PCBD2: variants seen among roughly 807,000 people sequenced by gnomAD.
The protein encoded by PCBD2 is pterin-4 alpha-carbinolamine dehydratase 2.
PCBD2 carries 12 observed loss-of-function variants against 16.4 expected under a neutral mutation model. The observed-to-expected ratio is 0.73, with a 90% CI of 0.47 to 1.19. PCBD2 has a LOEUF of 1.19. Among genes scored for constraint, PCBD2 ranks in the 50% most tolerant of loss-of-function variants. PCBD2 has a pLI of 0.00. For missense variants in PCBD2, 138 were observed against 156.8 expected (o/e 0.88, Z 0.64); for synonymous variants, 58 against 61.8 (o/e 0.94, Z 0.29).
chr5:134,906,194 AT>A (rs1158334317), intron 1 of PCBD2, among the ~76,000 whole-genome samples: 7,900 of 66,176 alleles, frequency 0.12, 223 homozygotes, highest in South Asian at 0.26. Context: ...TAATAGAAGA[AT>A]TTTTTTTTTT....
At position 134,924,292 on chromosome 5, in the gene PCBD2, T is replaced by A. The variant is rs984947424; in HGVS notation, c.216+13826T>A. The A allele has an allele frequency of 2.9e-4, 113 of 395,310 alleles. No individual in the cohort carries two copies. The South Asian group carries it at 3.1e-3, about 11-fold the overall frequency. 24.5% of individuals were successfully genotyped at this position (395,310 alleles called of 1,614,324 possible). On this transcript the variant is annotated intron_variant, in intron 2 of 3. Coordinates refer to ENST00000254908, the MANE Select transcript of PCBD2 (RefSeq NM_032151.5). ...GGTTACATGGGTTTAATGGTTTTTTTAATTTATTTGGGGGGAATGATGGTT... is the reference window on the plus strand; with the variant it reads ...GGTTACATGGGTTTAATGGTTTTTTAAATTTATTTGGGGGGAATGATGGTT...
intron 2 of PCBD2, among the ~76,000 whole-genome samples, chr5:134,939,583 T>A (rs982248361): frequency 6.6e-6 from 1 of 152,096 alleles, no homozygotes; most frequent in East Asian, 1.9e-4. Context: ...CCTCCATTCT[T>A]AAAACTTTAA....
At chr5:134,908,539 C>G (rs1750726907) in intron 1 of PCBD2, among the ~76,000 whole-genome samples, 1 of 151,768 alleles carries the variant, frequency 6.6e-6, no homozygotes, top group African/African-American at 2.4e-5. Flanking sequence ...GTGGCATGCA[C>G]CTGTAATCAC....
rs1435859424 is a variant in PCBD2, at chr5:134,949,524, C to G, written c.217-9516C>G. ...GTCATATAGCTAGTGAATAGCAGAG[C>G]TAGGAACTGAACTTAGTTGACCAGT... On this transcript the variant is annotated intron_variant, in intron 2 of 3. Transcript: ENST00000254908. Among the ~76,000 whole-genome samples the G allele has an allele frequency of 2.0e-5, 3 of 152,126 alleles. No homozygotes were observed. In the South Asian group the frequency reaches 6.2e-4, roughly 32 times the overall value.
chr5:134,905,378 C>G (rs186409620), intron 1 of PCBD2, 155 bp downstream of exon 1: 1 of 574,352 alleles, frequency 1.7e-6, no homozygotes, highest in African/African-American at 2.0e-5. Flanking sequence ...CGGGACTGAC[C>G]ACCTGTCCGG....
chr5:134,932,126 C>G (rs558142605), intron 2 of PCBD2, among the ~76,000 whole-genome samples: 1 of 152,270 alleles, frequency 6.6e-6, no homozygotes, highest in South Asian at 2.1e-4. Context: ...GATACAGATG[C>G]ATAGAAGAGA....
chr5:134,936,605 A>G (rs1367880125), intron 2 of PCBD2, among the ~76,000 whole-genome samples: 1 of 152,250 alleles, frequency 6.6e-6, no homozygotes, highest in Non-Finnish European at 1.5e-5. Context: ...TTTGCTGACC[A>G]TGATCCTTTT....
chr5:134,920,709 G>A (rs960217837), intron 2 of PCBD2, among the ~76,000 whole-genome samples: 16 of 151,636 alleles, frequency 1.1e-4, no homozygotes, highest in Non-Finnish European at 2.2e-4. Flanking sequence ...AGGCTGGAGT[G>A]CAATGGTGTG....
chr5:134,923,647 A>G (rs1019150196), intron 2 of PCBD2: 6 of 372,218 alleles, frequency 1.6e-5, no homozygotes, highest in African/African-American at 1.3e-4. Context: ...ATTTGGCCTC[A>G]TGGGAGGACA....
Position 134,951,719 on chromosome 5 carries a change from T to C in PCBD2, c.217-7321T>C, listed in dbSNP as rs1466131667. 3.9e-5 allele frequency among the ~76,000 whole-genome samples: 6 copies of C among 152,232 alleles called. No homozygotes were observed. In the South Asian group the frequency reaches 6.2e-4, roughly 16 times the overall value. ...TAATAGGTTTAACTTAGTTTTTAATTTGTATTTACCATGATTGAGATTGAG... is the reference window on the plus strand; with the variant it reads ...TAATAGGTTTAACTTAGTTTTTAATCTGTATTTACCATGATTGAGATTGAG... On this transcript the variant is annotated intron_variant, in intron 2 of 3. Transcript: ENST00000254908.
intron 2 of PCBD2, chr5:134,925,687 A>C: frequency 2.5e-6 from 1 of 397,168 alleles, no homozygotes. Flanking sequence ...GATGAGTAGG[A>C]AGACTCCTGC....
At chr5:134,923,447 G>T (rs573638921) in intron 2 of PCBD2, 59 of 233,588 alleles carry the variant, frequency 2.5e-4, no homozygotes, top group African/African-American at 1.3e-3. Flanking sequence ...ATCCTGTTTC[G>T]TGTAGGAATA....
At chr5:134,941,790 G>A (rs1751231439) in intron 2 of PCBD2, among the ~76,000 whole-genome samples, 1 of 152,042 alleles carries the variant, frequency 6.6e-6, no homozygotes. Context: ...TCTAAAACCT[G>A]TTATACTTTA....
chr5:134,905,443 A>T (rs927622675), intron 1 of PCBD2: 23 of 376,744 alleles, frequency 6.1e-5, no homozygotes, highest in Admixed American at 3.7e-4. Context: ...CCTTGACTTT[A>T]CACTTCCGCC....
intron 2 of PCBD2, among the ~76,000 whole-genome samples, chr5:134,923,055 G>A (rs560017621): frequency 1.3e-5 from 2 of 152,234 alleles, no homozygotes; most frequent in East Asian, 3.9e-4. Flanking sequence ...GACTTTACAT[G>A]TATTCATTCA....
At position 134,910,395 on chromosome 5, in the gene PCBD2, G is replaced by A. The variant is rs767299728; in HGVS notation, c.145G>A (p.Ala49Thr). Reference protein sequence around the residue: ...ERNQAILDLKAAGWSELSERD... With the variant: ...ERNQAILDLKTAGWSELSERD... ...GAACCAAGCTATACTTGACCTTAAA[G>A]CAGCAGGATGGTCGGAATTAAGTGA... is the stretch of plus-strand genomic sequence containing the variant. Residue 49 changes from alanine to threonine, a missense_variant, in exon 2 of 4, where the codon GCA becomes ACA. Transcript: ENST00000254908. The A allele has an allele frequency of 1.2e-6, 2 of 1,614,086 alleles. No homozygotes were observed.
chr5:134,911,081 C>T (rs1448479162), intron 2 of PCBD2, among the ~76,000 whole-genome samples: 3 of 152,222 alleles, frequency 2.0e-5, no homozygotes, highest in Non-Finnish European at 4.4e-5. Context: ...AGCCACTGTG[C>T]CCAGCCTGAG....
intron 2 of PCBD2, among the ~76,000 whole-genome samples, chr5:134,946,256 G>A (rs940346039): frequency 2.0e-5 from 3 of 152,104 alleles, no homozygotes; most frequent in Non-Finnish European, 2.9e-5. Flanking sequence ...TCAGCTCGAT[G>A]TCTGAAGATT....
At chr5:134,907,032 TA>T (rs1275668768) in intron 1 of PCBD2, among the ~76,000 whole-genome samples, 2 of 152,186 alleles carry the variant, frequency 1.3e-5, no homozygotes, top group African/African-American at 4.8e-5. Context: ...GTTGTGGGCA[TA>T]AAGTGCATAC....
Sources: gnomAD v4.1 joint callset for allele counts (sites outside exome capture counted in the v4.1 genomes callset) on GRCh38, gnomAD v4.1.1 for gene constraint, MANE v1.5 for transcripts, NCBI Gene and HGNC (gene_info 2026-07-23, HGNC 2026-07-21) for gene names.